TAS2R1: variants seen among roughly 807,000 people sequenced by gnomAD.
TAS2R1 encodes taste 2 receptor member 1, also known as taste receptor type 2 member 1.
For synonymous variants in TAS2R1, 141 were observed against 134.2 expected (o/e 1.05, Z -0.35); for missense variants, 370 against 353.4 (o/e 1.05, Z -0.38).
the TAS2R1 span, among the ~76,000 whole-genome samples, chr5:9,880,866 T>C: frequency 6.6e-6 from 1 of 152,100 alleles, no homozygotes; most frequent in Non-Finnish European, 1.5e-5. Flanking sequence ...AGAGATGCCA[T>C]ATACCAGATA....
At chr5:9,799,089 C>T in the TAS2R1 span, among the ~76,000 whole-genome samples, 1 of 152,188 alleles carries the variant, frequency 6.6e-6, no homozygotes, top group Non-Finnish European at 1.5e-5. Context: ...ACAGTGCCTC[C>T]CCCTCACCAA....
the TAS2R1 span, among the ~76,000 whole-genome samples, chr5:9,772,750 A>G: frequency 6.6e-6 from 1 of 151,964 alleles, no homozygotes; most frequent in Non-Finnish European, 1.5e-5. Flanking sequence ...GTTATATGAT[A>G]TCCTTTGTGT....
chr5:9,745,043 A>T, the TAS2R1 span, among the ~76,000 whole-genome samples: 1 of 152,284 alleles, frequency 6.6e-6, no homozygotes, highest in South Asian at 2.1e-4. Context: ...GCTTGAGGAA[A>T]CTTACTGTGG....
chr5:9,676,428 A>G (rs1740876204), intron 1 of TAS2R1, among the ~76,000 whole-genome samples: 1 of 152,046 alleles, frequency 6.6e-6, no homozygotes, highest in South Asian at 2.1e-4. Context: ...ATTGAATATA[A>G]CAGAAGGCCC....
chr5:9,643,998 A>C lies in TAS2R1; in HGVS notation c.-80-14006T>G, dbSNP rs188920555. Among the ~76,000 whole-genome samples the C allele has an allele frequency of 2.6e-5, 4 of 152,246 alleles. No individual in the cohort carries two copies. In the East Asian group the frequency reaches 7.7e-4, roughly 29 times the overall value. ...CCATCCCATCAATAAAAGAGCTTGCAGCATTCCAGGAATAAACAATGCCCA... is the reference window on the plus strand; with the variant it reads ...CCATCCCATCAATAAAAGAGCTTGCCGCATTCCAGGAATAAACAATGCCCA... On this transcript the variant is annotated intron_variant, in intron 2 of 2. Transcript: ENST00000506620.
the TAS2R1 span, among the ~76,000 whole-genome samples, chr5:9,771,196 T>C: frequency 6.6e-6 from 1 of 152,138 alleles, no homozygotes; most frequent in Non-Finnish European, 1.5e-5. Context: ...ATGTATCACA[T>C]TGATTGCCAG....
chr5:9,720,344 C>A, the TAS2R1 span, among the ~76,000 whole-genome samples: 1 of 152,224 alleles, frequency 6.6e-6, no homozygotes, highest in Non-Finnish European at 1.5e-5. Context: ...CTCACATCTA[C>A]TCAGTGAGTT....
At chr5:9,789,381 G>A in the TAS2R1 span, among the ~76,000 whole-genome samples, 4,843 of 152,228 alleles carry the variant, frequency 0.032, 84 homozygotes, top group African/African-American at 0.043. Context: ...CTTGACGTGC[G>A]CAGATCCTTC....
At position 9,629,266 on chromosome 5, in the gene TAS2R1, C is replaced by T; in HGVS notation, c.767G>A (p.Arg256Lys). 6.2e-7 allele frequency: 1 copy of T among 1,613,996 alleles called. No individual in the cohort carries two copies. The highest frequency in any genetic ancestry group is 2.2e-5 in the East Asian group (1 of 44,884). Reference sequence around the variant, plus strand: ...AAGGATGAAGAACAGAAAGATGAACCTTCTGATGTGAAACTTTAGAGAAGA... The same window carrying T: ...AAGGATGAAGAACAGAAAGATGAACTTTCTGATGTGAAACTTTAGAGAAGA... Reference protein sequence around the residue: ...FLSSLKFHIRRFIFLFFILVI... With the variant: ...FLSSLKFHIRKFIFLFFILVI... Residue 256 changes from arginine (R) to lysine (K), a missense_variant, in exon 1 of 1, where the codon AGG becomes AAG. Transcript: ENST00000382492.
the TAS2R1 span, among the ~76,000 whole-genome samples, chr5:9,866,110 C>A: frequency 6.6e-6 from 1 of 152,240 alleles, no homozygotes; most frequent in African/African-American, 2.4e-5. Flanking sequence ...TTTTTAATAT[C>A]TCTCTGGACA....
the TAS2R1 span, among the ~76,000 whole-genome samples, chr5:9,805,506 C>T: frequency 1.3e-5 from 2 of 152,108 alleles, no homozygotes; most frequent in African/African-American, 4.8e-5. Context: ...CAACAAAATA[C>T]TAGCTAACAG....
chr5:9,803,324 G>A, the TAS2R1 span, among the ~76,000 whole-genome samples: 1,203 of 152,284 alleles, frequency 7.9e-3, 10 homozygotes, highest in African/African-American at 0.027. Context: ...ATATTTAAGG[G>A]AATAAATGAG....
At chr5:9,728,129 CA>C in the TAS2R1 span, among the ~76,000 whole-genome samples, 2 of 151,992 alleles carry the variant, frequency 1.3e-5, no homozygotes, top group Non-Finnish European at 2.9e-5. Flanking sequence ...GAAAGGTTGG[CA>C]AAACCCAAAT....
intron 1 of TAS2R1, among the ~76,000 whole-genome samples, chr5:9,687,002 T>C (rs377010021): frequency 2.0e-5 from 3 of 152,204 alleles, no homozygotes; most frequent in African/African-American, 7.2e-5. Flanking sequence ...TTTGCTTTTG[T>C]TGCCCAGGCT....
the TAS2R1 span, among the ~76,000 whole-genome samples, chr5:9,823,932 A>G: frequency 1.3e-5 from 2 of 152,192 alleles, no homozygotes; most frequent in Non-Finnish European, 2.9e-5. Flanking sequence ...AAAAGATATG[A>G]GGCACCCAGA....
At chr5:9,632,943 C>A (rs1365419367), upstream of TAS2R1, among the ~76,000 whole-genome samples, 1 of 150,974 alleles carries the variant, frequency 6.6e-6, no homozygotes, top group African/African-American at 2.4e-5. Flanking sequence ...AATGGTGAAT[C>A]CTTTCCAGAA....
chr5:9,780,220 C>T, the TAS2R1 span, among the ~76,000 whole-genome samples: 14 of 152,294 alleles, frequency 9.2e-5, no homozygotes, highest in Admixed American at 3.3e-4. Flanking sequence ...CCCTGTACAG[C>T]AATTCTCCTG....
At chr5:9,873,865 T>G in the TAS2R1 span, among the ~76,000 whole-genome samples, 1 of 113,282 alleles carries the variant, frequency 8.8e-6, no homozygotes, top group Admixed American at 1.1e-4. Context: ...TGAGACTCTG[T>G]CTCGGGGAAA....
the TAS2R1 span, among the ~76,000 whole-genome samples, chr5:9,784,942 C>T: frequency 1.3e-5 from 2 of 152,140 alleles, no homozygotes; most frequent in Non-Finnish European, 2.9e-5. Flanking sequence ...ACTCTGAGAT[C>T]CTGGGGGTTA....
Sources: gnomAD v4.1 joint callset for allele counts (sites outside exome capture counted in the v4.1 genomes callset) on GRCh38, gnomAD v4.1.1 for gene constraint, MANE v1.5 for transcripts, NCBI Gene and HGNC (gene_info 2026-07-23, HGNC 2026-07-21) for gene names.